Variants in ODAD2 observed in about 807,000 individuals in gnomAD.
ODAD2 encodes outer dynein arm-docking complex subunit 2.
In ODAD2, 89 loss-of-function variants were observed where a neutral mutation model predicts 106.8. The ratio of observed to expected loss-of-function variants is 0.83; its 90% CI spans 0.70 to 0.99. ODAD2 has a LOEUF of 0.99. Among genes scored for constraint, ODAD2 ranks in the 50% least tolerant of loss-of-function variants. The probability of loss-of-function intolerance (pLI) is 0.00; values close to 1 mark genes in which losing one functional copy is unlikely to be tolerated. For missense variants in ODAD2, 1,168 were observed against 1,238.5 expected (o/e 0.94, Z 0.85); for synonymous variants, 404 against 436.2 (o/e 0.93, Z 0.92).
intron 17 of ODAD2, among the ~76,000 whole-genome samples, chr10:27,865,951 T>C (rs1840408123): frequency 6.6e-6 from 1 of 152,234 alleles, no homozygotes; most frequent in South Asian, 2.1e-4. Context: ...TTCTGATAGT[T>C]AGGACATACT....
chr10:27,942,774 C>T (rs909403876), intron 12 of ODAD2, among the ~76,000 whole-genome samples: 7 of 152,162 alleles, frequency 4.6e-5, no homozygotes, highest in African/African-American at 1.7e-4. Context: ...CATCCACCAC[C>T]TGGAGTCTCT....
chr10:27,991,349 C>T lies in ODAD2; in HGVS notation c.224+3570G>A, dbSNP rs147748243. Among the ~76,000 whole-genome samples the T allele has an allele frequency of 6.4e-3, 973 of 151,970 alleles. 17 individuals are homozygous for T. The highest frequency in any genetic ancestry group is 0.023 in the African/African-American group (934 of 41,408). The stretch of plus-strand genomic sequence containing the variant: ...AATCATTCTAAGGAAAAGACCATCA[C>T]GTAACATGAACAGGGCTATGCCCAT... On this transcript the variant is annotated intron_variant, in intron 2 of 19. Transcript: ENST00000305242.
chr10:27,955,955 G>C (rs1249419541), intron 10 of ODAD2, among the ~76,000 whole-genome samples: 3 of 152,074 alleles, frequency 2.0e-5, no homozygotes, highest in South Asian at 2.1e-4. Context: ...CTCTGGATTA[G>C]AGTATTGACC....
intron 16 of ODAD2, among the ~76,000 whole-genome samples, chr10:27,918,243 A>G (rs991753871): frequency 1.3e-5 from 2 of 151,962 alleles, no homozygotes; most frequent in Non-Finnish European, 2.9e-5. Context: ...ACAAATCAAC[A>G]TATCTCATGA....
At chr10:27,960,436 T>A (rs1420415629) in intron 10 of ODAD2, among the ~76,000 whole-genome samples, 3 of 151,350 alleles carry the variant, frequency 2.0e-5, no homozygotes, top group African/African-American at 7.3e-5. Flanking sequence ...AACCTCCGCC[T>A]CCTGGGTTCA....
chr10:27,815,979 A>G (rs960509014), intron 19 of ODAD2, among the ~76,000 whole-genome samples: 3 of 152,180 alleles, frequency 2.0e-5, no homozygotes, highest in Admixed American at 2.0e-4. Context: ...CTTTCCAAGT[A>G]TTTTCCTGTA....
chr10:27,970,074 C>T (rs1848738195), intron 8 of ODAD2, among the ~76,000 whole-genome samples: 1 of 151,574 alleles, frequency 6.6e-6, no homozygotes, highest in East Asian at 1.9e-4. Flanking sequence ...CCACTGCAGC[C>T]TGGGTGACAG....
At chr10:27,910,504 C>A (rs1428626218) in intron 16 of ODAD2, among the ~76,000 whole-genome samples, 1 of 152,056 alleles carries the variant, frequency 6.6e-6, no homozygotes, top group African/African-American at 2.4e-5. Flanking sequence ...GCCTGTAATC[C>A]TAACACTTTG....
At chr10:27,998,610 C>G (rs1447332814) in intron 1 of ODAD2, among the ~76,000 whole-genome samples, 1 of 150,904 alleles carries the variant, frequency 6.6e-6, no homozygotes, top group Non-Finnish European at 1.5e-5. Flanking sequence ...GAGGCAGGGT[C>G]TCGCGGGGAG....
At chr10:27,873,661 T>C (rs1456081979) in intron 17 of ODAD2, among the ~76,000 whole-genome samples, 3 of 152,208 alleles carry the variant, frequency 2.0e-5, no homozygotes, top group South Asian at 2.1e-4. Context: ...TGTAGTTGAG[T>C]GGTTTTGAGT....
intron 19 of ODAD2, among the ~76,000 whole-genome samples, chr10:27,821,550 C>A (rs11006730): frequency 0.05 from 7,536 of 152,234 alleles, 266 homozygotes; most frequent in African/African-American, 0.1. Flanking sequence ...AGCAAATACT[C>A]GCACAACAGA....
At chr10:27,927,021 G>T (rs970101726) in intron 16 of ODAD2, among the ~76,000 whole-genome samples, 2 of 152,024 alleles carry the variant, frequency 1.3e-5, no homozygotes, top group Non-Finnish European at 2.9e-5. Context: ...TAGATCTGGT[G>T]GTGGGGCATA....
intron 17 of ODAD2, among the ~76,000 whole-genome samples, chr10:27,885,930 TC>T (rs1390462829): frequency 7.7e-6 from 1 of 129,972 alleles, no homozygotes; most frequent in Non-Finnish European, 1.6e-5. Flanking sequence ...TTTATATATA[TC>T]CAAACAAATT....
intron 16 of ODAD2, among the ~76,000 whole-genome samples, chr10:27,934,590 C>T (rs1845832050): frequency 6.6e-6 from 1 of 151,794 alleles, no homozygotes; most frequent in South Asian, 2.1e-4. Context: ...TTGTCTCTTC[C>T]CCTCATCAGT....
intron 8 of ODAD2, among the ~76,000 whole-genome samples, chr10:27,970,799 AC>A (rs1422243954): frequency 2.0e-5 from 3 of 151,948 alleles, no homozygotes; most frequent in African/African-American, 7.3e-5. Context: ...CCCTGTCTCT[AC>A]TAAAATTACA....
intron 2 of ODAD2, among the ~76,000 whole-genome samples, chr10:27,993,913 G>C (rs1424629689): frequency 6.6e-6 from 1 of 151,330 alleles, no homozygotes; most frequent in African/African-American, 2.4e-5. Context: ...AGAACAAGGT[G>C]GTAGAAAATA....
chr10:27,831,718 T>C (rs1038037997), intron 19 of ODAD2, among the ~76,000 whole-genome samples: 5 of 152,352 alleles, frequency 3.3e-5, no homozygotes, highest in African/African-American at 1.2e-4. Context: ...TGCCTGGGGT[T>C]GGCATTTTCT....
chr10:27,922,617 CTGAA>C (rs1043511281), intron 16 of ODAD2, among the ~76,000 whole-genome samples: 3 of 151,954 alleles, frequency 2.0e-5, no homozygotes, highest in Non-Finnish European at 4.4e-5. Flanking sequence ...AAACTAAATA[CTGAA>C]TGGGCTGGGC....
intron 18 of ODAD2, among the ~76,000 whole-genome samples, chr10:27,861,510 T>TTACTTATATTATA (rs1369752156): frequency 6.6e-6 from 1 of 152,220 alleles, no homozygotes; most frequent in Admixed American, 6.5e-5. Context: ...GAATATTAGA[T>TTACTTATATTATA]ATCCTTAAAG....
Sources: gnomAD v4.1 joint callset for allele counts (sites outside exome capture counted in the v4.1 genomes callset) on GRCh38, gnomAD v4.1.1 for gene constraint, MANE v1.5 for transcripts, NCBI Gene and HGNC (gene_info 2026-07-23, HGNC 2026-07-21) for gene names.